SGTB: variants seen among roughly 807,000 people sequenced by gnomAD.
The protein encoded by SGTB is small glutamine-rich tetratricopeptide repeat-containing protein beta.
Under a neutral mutation model 43.9 loss-of-function variants are expected in SGTB, and 19 were observed. That is an observed-to-expected ratio of 0.43 (90% confidence interval 0.30 to 0.63). SGTB has a LOEUF of 0.63. Ranked by LOEUF, SGTB falls within the 30% of genes least tolerant of loss-of-function variation. The pLI, the probability that SGTB is intolerant of heterozygous loss-of-function variation, is 0.12. For synonymous variants in SGTB, 116 were observed against 117.3 expected (o/e 0.99, Z 0.07); for missense variants, 304 against 358.9 (o/e 0.85, Z 1.24).
At chr5:65,709,628 C>T (rs1389749856) in intron 3 of SGTB, among the ~76,000 whole-genome samples, 1 of 152,160 alleles carries the variant, frequency 6.6e-6, no homozygotes, top group Admixed American at 6.5e-5. Context: ...CCACCCGCCT[C>T]GGCCTCCCAA....
At chr5:65,681,477 T>C (rs1461975399) in intron 6 of SGTB, among the ~76,000 whole-genome samples, 2 of 151,842 alleles carry the variant, frequency 1.3e-5, no homozygotes, top group Admixed American at 6.6e-5. Flanking sequence ...GTATTAGGGG[T>C]TTCTGTTTGT....
At chr5:65,722,298 C>T, upstream of SGTB, 2 of 1,263,110 alleles carry the variant, frequency 1.6e-6, no homozygotes, top group Non-Finnish European at 2.1e-6. Flanking sequence ...TCCCGGGCGC[C>T]CAGGCGCTGC....
At chr5:65,690,522 T>C (rs886895489) in intron 5 of SGTB, among the ~76,000 whole-genome samples, 8 of 152,108 alleles carry the variant, frequency 5.3e-5, no homozygotes, top group Admixed American at 4.6e-4. Flanking sequence ...ACAAAAGATA[T>C]CACTTAAACC....
intron 4 of SGTB, among the ~76,000 whole-genome samples, 167 bp from the exon 5 acceptor site, chr5:65,704,545 T>C (rs1016231824): frequency 9.9e-5 from 15 of 152,254 alleles, no homozygotes; most frequent in African/African-American, 3.6e-4. Context: ...TTGATATTAT[T>C]TAGCTTTCAG....
intron 4 of SGTB, among the ~76,000 whole-genome samples, chr5:65,707,071 G>A (rs1757946096): frequency 6.6e-6 from 1 of 150,638 alleles, no homozygotes; most frequent in Non-Finnish European, 1.5e-5. Flanking sequence ...AACCAGCCTG[G>A]CCAACATGGT....
At chr5:65,688,337 T>C (rs925244815) in intron 5 of SGTB, among the ~76,000 whole-genome samples, 1 of 152,212 alleles carries the variant, frequency 6.6e-6, no homozygotes, top group African/African-American at 2.4e-5. Context: ...GATCTATCAC[T>C]GACATCTGAT....
intron 1 of SGTB, 48 bp from the exon 2 acceptor site, chr5:65,720,877 A>G: frequency 6.4e-7 from 1 of 1,556,082 alleles, no homozygotes; most frequent in Admixed American, 2.0e-5. Flanking sequence ...TTAAAGAATC[A>G]GTCAGGAAAG....
At chr5:65,715,612 A>G (rs1360746837) in intron 2 of SGTB, among the ~76,000 whole-genome samples, 2 of 152,380 alleles carry the variant, frequency 1.3e-5, no homozygotes, top group South Asian at 2.1e-4. Context: ...CACTTTTGAC[A>G]TATCAGTGAA....
intron 8 of SGTB, among the ~76,000 whole-genome samples, chr5:65,678,026 A>G (rs896748166): frequency 2.6e-5 from 4 of 152,156 alleles, no homozygotes; most frequent in African/African-American, 9.7e-5. Flanking sequence ...GAAATAAAGC[A>G]TATTCAAATA....
intron 2 of SGTB, among the ~76,000 whole-genome samples, chr5:65,714,275 A>C (rs1348232233): frequency 6.6e-6 from 1 of 152,186 alleles, no homozygotes; most frequent in Non-Finnish European, 1.5e-5. Context: ...CCAAGTGCCT[A>C]CTATCTGTAA....
chr5:65,680,375 A>G, intron 8 of SGTB, 119 bp downstream of exon 8: 1 of 947,818 alleles, frequency 1.1e-6, no homozygotes, highest in Non-Finnish European at 1.6e-6. Flanking sequence ...CTATAGCCTT[A>G]TATCAATACT....
chr5:65,708,597 A>G, intron 3 of SGTB, 39 bp from the exon 4 acceptor site: 1 of 1,529,110 alleles, frequency 6.5e-7, no homozygotes, highest in Non-Finnish European at 9.0e-7. Context: ...CCCTTTAGCT[A>G]CATAAAGAAT....
chr5:65,686,955 A>G (rs1270863737), intron 5 of SGTB, among the ~76,000 whole-genome samples: 3 of 152,146 alleles, frequency 2.0e-5, no homozygotes, highest in Admixed American at 2.0e-4. Flanking sequence ...TTATTATTAT[A>G]CTCTACAAAT....
intron 6 of SGTB, among the ~76,000 whole-genome samples, chr5:65,682,373 T>C (rs1280777925): frequency 6.6e-6 from 1 of 152,208 alleles, no homozygotes; most frequent in Non-Finnish European, 1.5e-5. Flanking sequence ...ATGATACAAT[T>C]TGTGCTTTTG....
intron 4 of SGTB, among the ~76,000 whole-genome samples, chr5:65,706,586 C>T (rs1398127318): frequency 6.6e-6 from 1 of 152,130 alleles, no homozygotes; most frequent in African/African-American, 2.4e-5. Context: ...AATCCTGGCA[C>T]TTTGGGAGGC....
At chr5:65,670,450 AGG>A in intron 10 of SGTB, 93 bp from the exon 11 acceptor site, 1 of 1,011,606 alleles carries the variant, frequency 9.9e-7, no homozygotes, top group Non-Finnish European at 1.5e-6. Context: ...AGCTACCTAA[AGG>A]GGGCTTTTTT....
chr5:65,706,549 G>T (rs1221338017), intron 4 of SGTB, among the ~76,000 whole-genome samples: 1 of 152,126 alleles, frequency 6.6e-6, no homozygotes, highest in Non-Finnish European at 1.5e-5. Flanking sequence ...TAAAAATTCA[G>T]GGTTGGGTGT....
intron 8 of SGTB, among the ~76,000 whole-genome samples, chr5:65,672,924 T>C (rs942425579): frequency 2.6e-5 from 4 of 152,214 alleles, no homozygotes; most frequent in Non-Finnish European, 5.9e-5. Context: ...GATTCGTAAG[T>C]AATTCAAAAC....
At chr5:65,714,673 G>A (rs1758114518) in intron 2 of SGTB, among the ~76,000 whole-genome samples, 2 of 152,148 alleles carry the variant, frequency 1.3e-5, no homozygotes, top group South Asian at 4.1e-4. Flanking sequence ...AAATTAGCCA[G>A]ATGTGATTGC....
Sources: allele counts gnomAD v4.1 joint callset (sites outside exome capture counted in the v4.1 genomes callset), GRCh38; gene constraint gnomAD v4.1.1; transcripts MANE v1.5; gene names NCBI Gene and HGNC (gene_info 2026-07-23, HGNC 2026-07-21).